Variants in CCDC186 observed in about 807,000 individuals in gnomAD.
The protein encoded by CCDC186 is coiled-coil domain-containing protein 186.
Under a neutral mutation model 113.7 loss-of-function variants are expected in CCDC186, and 49 were observed. The observed-to-expected ratio is 0.43, with a 90% confidence interval of 0.34 to 0.55. The LOEUF (loss-of-function observed/expected upper bound fraction) is 0.55, where lower values mean the gene tolerates loss of function less well. Ranked by LOEUF, CCDC186 falls within the 20% of genes least tolerant of loss-of-function variation. The probability of loss-of-function intolerance (pLI) is 0.02; values close to 1 mark genes in which losing one functional copy is unlikely to be tolerated. For synonymous variants in CCDC186, 355 were observed against 345.8 expected (o/e 1.03, Z -0.30); for missense variants, 890 against 1,011.1 (o/e 0.88, Z 1.62).
At chr10:114,130,149 A>C (rs1410351553) in intron 12 of CCDC186, 178 bp from the exon 13 acceptor site, 2 of 478,930 alleles carry the variant, frequency 4.2e-6, no homozygotes, top group Non-Finnish European at 7.5e-6. Context: ...GAAATGTAAA[A>C]GTCAAGTACA....
intron 6 of CCDC186, 89 bp from the exon 7 acceptor site, chr10:114,137,379 A>T: frequency 3.7e-6 from 3 of 811,594 alleles, no homozygotes; most frequent in Non-Finnish European, 6.2e-6. Context: ...TTCTTGTCCT[A>T]GCACTGTCAC....
At position 114,123,402 on chromosome 10, in the gene CCDC186, T is replaced by C. The variant is rs1008299733; in HGVS notation, c.*1741A>G. On this transcript the variant is annotated 3_prime_UTR_variant, in exon 16 of 16. Coordinates refer to ENST00000369287, the MANE Select transcript of CCDC186 (RefSeq NM_018017.4). ...AAAAGACATTCATTAAATAATCTAA[T>C]CCTTAGTAAATTATTTTTAAACGAT... 1.3e-5 allele frequency: 2 copies of C among 152,196 alleles called. No individual in the cohort carries two copies. Among genetic ancestry groups the C allele is most frequent in the African/African-American group, 4.8e-5 (2 of 41,450 alleles). 9.4% of individuals were successfully genotyped at this position (152,196 alleles called of 1,614,324 possible).
Position 114,136,088 on chromosome 10 carries a change from C to T in CCDC186, c.1425+60G>A, listed in dbSNP as rs932573308. On this transcript the variant is annotated intron_variant, in intron 8 of 15. Coordinates refer to ENST00000369287, the MANE Select transcript of CCDC186 (RefSeq NM_018017.4). ...AAAAGTAGATAGCAATAAGTTCTCA[C>T]TATTTCTCTTTCTGTATTTATTATG... 3.3e-6 allele frequency: 5 copies of T among 1,523,322 alleles called. No individual in the cohort carries two copies. The African/African-American group carries it at 6.9e-5, about 21-fold the overall frequency. 94.4% of individuals were successfully genotyped at this position (1,523,322 alleles called of 1,614,324 possible).
intron 1 of CCDC186, 79 bp from the exon 2 acceptor site, chr10:114,163,408 G>A (rs2032239100): frequency 8.7e-7 from 1 of 1,146,004 alleles, no homozygotes; most frequent in Admixed American, 2.8e-5. Context: ...CTGTGATGTG[G>A]AATAACTAAC....
At chr10:114,131,077 C>T in intron 12 of CCDC186, 70 bp downstream of exon 12, 1 of 1,276,294 alleles carries the variant, frequency 7.8e-7, no homozygotes, top group Non-Finnish European at 1.0e-6. Context: ...GGCAGAATCA[C>T]AAAAAATAAA....
intron 8 of CCDC186, 71 bp downstream of exon 8, chr10:114,136,077 A>C: frequency 6.6e-7 from 1 of 1,508,066 alleles, no homozygotes; most frequent in East Asian, 2.3e-5. Flanking sequence ...GTAGATAGCA[A>C]TAAGTTCTCA....
intron 1 of CCDC186, among the ~76,000 whole-genome samples, chr10:114,170,104 G>A (rs2032450156): frequency 6.6e-6 from 1 of 152,004 alleles, no homozygotes; most frequent in Non-Finnish European, 1.5e-5. Context: ...ATAATAGGAT[G>A]GAAAAGAACT....
At position 114,121,798 on chromosome 10, in the gene CCDC186, G is replaced by C. The variant is rs1348234782; in HGVS notation, c.*3345C>G. On this transcript the variant is annotated 3_prime_UTR_variant, in exon 16 of 16. Transcript: ENST00000369287. ...CAAGATCTGCTCTGATTGTCTCCTA[G>C]CTATTTTCTTTCCTCTTTTTTTTTT... The C allele has an allele frequency of 6.6e-6, 1 of 152,014 alleles. No homozygotes were observed. The highest frequency in any genetic ancestry group is 1.5e-5 in the Non-Finnish European group (1 of 68,202). 9.4% of individuals were successfully genotyped at this position (152,014 alleles called of 1,614,324 possible). A position where few individuals can be genotyped will look rare whatever the true frequency, so the allele number is the denominator to read the frequency against.
At chr10:114,166,722 A>T (rs1205221841) in intron 1 of CCDC186, among the ~76,000 whole-genome samples, 8 of 152,240 alleles carry the variant, frequency 5.3e-5, no homozygotes, top group Non-Finnish European at 1.2e-4. Context: ...ACAGTGATCT[A>T]GGGAGCAAAC....
chr10:114,148,903 T>C (rs1293548732), intron 4 of CCDC186, among the ~76,000 whole-genome samples: 1 of 152,248 alleles, frequency 6.6e-6, no homozygotes, highest in African/African-American at 2.4e-5. Context: ...TGAATGTGCG[T>C]GTGCACATGA....
chr10:114,125,351 T>C, intron 15 of CCDC186, 125 bp from the exon 16 acceptor site: 1 of 623,256 alleles, frequency 1.6e-6, no homozygotes, highest in African/African-American at 1.9e-5. Context: ...CTAAATGCTA[T>C]GTCAGATAAA....
chr10:114,137,419 T>C (rs1365216307), intron 6 of CCDC186, 129 bp from the exon 7 acceptor site: 4 of 622,680 alleles, frequency 6.4e-6, no homozygotes, highest in Non-Finnish European at 1.1e-5. Flanking sequence ...CTAGCAATAA[T>C]ATTTTATGTT....
intron 4 of CCDC186, among the ~76,000 whole-genome samples, chr10:114,147,045 A>T (rs1367747281): frequency 6.6e-6 from 1 of 152,230 alleles, no homozygotes; most frequent in Non-Finnish European, 1.5e-5. Context: ...ATAGGCCCCG[A>T]GGTTGTAACA....
At chr10:114,162,452 A>G in intron 2 of CCDC186, 185 bp downstream of exon 2, 1 of 502,696 alleles carries the variant, frequency 2.0e-6, no homozygotes, top group Non-Finnish European at 3.4e-6. Context: ...TTGAACTCAG[A>G]TATCTGAAAA....
rs1312017205 is a variant in CCDC186, at chr10:114,123,741, TTAAG to T, written c.*1398_*1401del. Reference sequence around the variant, plus strand: ...AGAAATATTGATACTACGGCAACACTTAAGTGTCTATCTTAAACACTGTAAAAAA... The same window carrying T: ...AGAAATATTGATACTACGGCAACACTTGTCTATCTTAAACACTGTAAAAAA... On this transcript the variant is annotated 3_prime_UTR_variant, in exon 16 of 16. Coordinates refer to ENST00000369287, the MANE Select transcript of CCDC186 (RefSeq NM_018017.4). 3.9e-5 allele frequency: 6 copies of T among 152,202 alleles called. No homozygotes were observed. Among genetic ancestry groups the T allele is most frequent in the Non-Finnish European group, 7.4e-5 (5 of 68,026 alleles). 9.4% of individuals were successfully genotyped at this position (152,202 alleles called of 1,614,324 possible). A position where few individuals can be genotyped will look rare whatever the true frequency, so the allele number is the denominator to read the frequency against.
Position 114,127,571 on chromosome 10 carries a change from C to A in CCDC186, c.2283G>T (p.Leu761Phe). The A allele has an allele frequency of 6.2e-7, 1 of 1,614,046 alleles. No homozygotes were observed. The highest frequency in any genetic ancestry group is 8.5e-7 in the Non-Finnish European group (1 of 1,179,986). Residue 761 changes from leucine (L) to phenylalanine (F), a missense_variant, in exon 14 of 16, where the codon TTG becomes TTT. Coordinates refer to ENST00000369287, the MANE Select transcript of CCDC186 (RefSeq NM_018017.4). The stretch of plus-strand genomic sequence containing the variant: ...TTTGCAGCCTAACTATTCTCTCAAT[C>A]AACATGGCCTTATCTACTTGTGGAA... ...DNFPQVDKAMLIERIVRLQKA... is the reference protein window; with the variant it reads ...DNFPQVDKAMFIERIVRLQKA...
chr10:114,150,856 A>T (rs2119805825), intron 4 of CCDC186, among the ~76,000 whole-genome samples: 1 of 152,200 alleles, frequency 6.6e-6, no homozygotes. Flanking sequence ...TCACCATGTT[A>T]GCCAGGCTGG....
At chr10:114,137,102 G>A in intron 7 of CCDC186, 84 bp downstream of exon 7, 1 of 1,011,512 alleles carries the variant, frequency 9.9e-7, no homozygotes, top group South Asian at 1.4e-5. Context: ...GGGCGACAGA[G>A]CGAGACTCCA....
intron 13 of CCDC186, among the ~76,000 whole-genome samples, chr10:114,129,421 A>G (rs1349409627): frequency 6.6e-6 from 1 of 152,220 alleles, no homozygotes; most frequent in Non-Finnish European, 1.5e-5. Context: ...GGTCATGAGT[A>G]GAACTTAAAT....
Sources: allele counts gnomAD v4.1 joint callset (sites outside exome capture counted in the v4.1 genomes callset), GRCh38; gene constraint gnomAD v4.1.1; transcripts MANE v1.5; gene names NCBI Gene and HGNC (gene_info 2026-07-23, HGNC 2026-07-21).